The following GNAL variants were observed in gnomAD, a reference collection of about 807,000 sequenced individuals.
GNAL encodes the protein guanine nucleotide-binding protein G(olf) subunit alpha.
In GNAL, 18 loss-of-function variants were observed where a neutral mutation model predicts 55.1. The observed-to-expected ratio is 0.33, with a 90% CI of 0.23 to 0.48. The LOEUF is 0.48. Among genes scored for constraint, GNAL ranks in the 20% least tolerant of loss-of-function variants. The pLI, the probability that GNAL is intolerant of heterozygous loss-of-function variation, is 0.99. For missense variants in GNAL, 412 were observed against 614.1 expected (o/e 0.67, Z 3.48); for synonymous variants, 253 against 237.0 (o/e 1.07, Z -0.62).
chr18:11,858,055 A>G (rs893897269), intron 5 of GNAL, among the ~76,000 whole-genome samples: 2 of 152,244 alleles, frequency 1.3e-5, no homozygotes, highest in Admixed American at 1.3e-4. Flanking sequence ...AAAGGCATTT[A>G]ACAGAATAGT....
Position 11,774,633 on chromosome 18 carries a change from T to C in GNAL, c.624+20688T>C, listed in dbSNP as rs567240905. 3.3e-5 allele frequency among the ~76,000 whole-genome samples: 5 copies of C among 152,224 alleles called. No homozygotes were observed. In the East Asian group the frequency reaches 9.7e-4, roughly 29 times the overall value. ...TGAGAAAACAGAAGCCCAGAGAACATAATTGACTTGCCCCGAGTCATAGAG... is the reference window on the plus strand; with the variant it reads ...TGAGAAAACAGAAGCCCAGAGAACACAATTGACTTGCCCCGAGTCATAGAG... On this transcript the variant is annotated intron_variant, in intron 4 of 11. Transcript: ENST00000334049.
chr18:11,869,790 T>C (rs994258495), intron 9 of GNAL, among the ~76,000 whole-genome samples: 2 of 152,014 alleles, frequency 1.3e-5, no homozygotes, highest in African/African-American at 2.4e-5. Flanking sequence ...GCGCTTGTAG[T>C]CCCAGCTACT....
At chr18:11,767,566 T>G (rs564490749) in intron 4 of GNAL, among the ~76,000 whole-genome samples, 1 of 152,216 alleles carries the variant, frequency 6.6e-6, no homozygotes, top group South Asian at 2.1e-4. Context: ...ACTTGCACTC[T>G]CCACGCCCTT....
At chr18:11,775,405 CACTT>C (rs925499012) in intron 4 of GNAL, among the ~76,000 whole-genome samples, 2 of 152,254 alleles carry the variant, frequency 1.3e-5, no homozygotes, top group African/African-American at 4.8e-5. Flanking sequence ...CAGATGATCT[CACTT>C]AATCCACACA....
At chr18:11,736,149 C>T (rs945573705) in intron 1 of GNAL, among the ~76,000 whole-genome samples, 91 of 152,302 alleles carry the variant, frequency 6.0e-4, no homozygotes, top group African/African-American at 2.0e-3. Flanking sequence ...AATTCCAACA[C>T]TTCGAGAGGC....
At position 11,884,683 on chromosome 18, in the gene GNAL, C is replaced by A; in HGVS notation, c.*3548C>A. On this transcript the variant is annotated 3_prime_UTR_variant, in exon 12 of 12. Coordinates refer to ENST00000334049, the MANE Select transcript of GNAL (RefSeq NM_182978.4). ...AGCACCAGGCACACGTTGAACACCG[C>A]AGTCTTAGAAACAGCAGAGGGAAGA... 1 of 1,555,270 alleles carries A rather than the reference C, an allele frequency of 6.4e-7. No individual in the cohort carries two copies.
intron 4 of GNAL, among the ~76,000 whole-genome samples, chr18:11,821,962 G>C (rs1162086755): frequency 5.9e-5 from 9 of 152,264 alleles, no homozygotes; most frequent in Non-Finnish European, 8.8e-5. Context: ...CATGGCCGCC[G>C]CTCCGTAGGC....
intron 1 of GNAL, among the ~76,000 whole-genome samples, chr18:11,720,821 T>C (rs560480265): frequency 2.6e-5 from 4 of 152,348 alleles, no homozygotes; most frequent in South Asian, 2.1e-4. Flanking sequence ...AATGGAGAGC[T>C]CACTTCCTGT....
At chr18:11,822,768 G>T (rs2035133710) in intron 4 of GNAL, among the ~76,000 whole-genome samples, 1 of 151,456 alleles carries the variant, frequency 6.6e-6, no homozygotes, top group Admixed American at 6.6e-5. Flanking sequence ...ACGGTTTGGA[G>T]CCCTTTCTGC....
In GNAL at chr18:11,881,941, T is replaced by C. The variant is rs2036703908; in HGVS notation, c.*806T>C. Reference sequence around the variant, plus strand: ...TGCCTTCACCATGGCTATCTATACCTGTACATGAAATGTGTTTGTATTGTG... The same window carrying C: ...TGCCTTCACCATGGCTATCTATACCCGTACATGAAATGTGTTTGTATTGTG... On this transcript the variant is annotated 3_prime_UTR_variant, in exon 12 of 12. Coordinates refer to ENST00000334049, the MANE Select transcript of GNAL (RefSeq NM_182978.4). The surrounding 1 kb of genome is among the most constrained non-coding windows in gnomAD (Gnocchi z 4.8). 1 of 152,666 alleles carries C rather than the reference T, an allele frequency of 6.6e-6. No homozygotes were observed. Among genetic ancestry groups the C allele is most frequent in the South Asian group, 2.1e-4 (1 of 4,832 alleles). The allele number at this position is 152,666 out of a possible 1,614,324, so 9.5% of individuals were successfully genotyped here. A position where few individuals can be genotyped will look rare whatever the true frequency, so the allele number is the denominator to read the frequency against.
chr18:11,692,763 C>T (rs564578324), intron 1 of GNAL, among the ~76,000 whole-genome samples: 23 of 150,244 alleles, frequency 1.5e-4, no homozygotes, highest in Non-Finnish European at 3.0e-4. Flanking sequence ...CAAAAAAATA[C>T]GAAAATTAGC....
intron 5 of GNAL, among the ~76,000 whole-genome samples, chr18:11,825,981 TAC>T (rs2035233748): frequency 6.6e-6 from 1 of 152,196 alleles, no homozygotes; most frequent in Non-Finnish European, 1.5e-5. Context: ...TGAAAAATTT[TAC>T]ATTTTAAATC....
At chr18:11,755,322 C>T (rs1401048611) in intron 4 of GNAL, among the ~76,000 whole-genome samples, 4 of 152,182 alleles carry the variant, frequency 2.6e-5, no homozygotes, top group Non-Finnish European at 5.9e-5. Context: ...CTCTGTCGTC[C>T]AGGCTGGAGT....
chr18:11,727,271 CA>C (rs1256359457), intron 1 of GNAL, among the ~76,000 whole-genome samples: 1 of 152,234 alleles, frequency 6.6e-6, no homozygotes, highest in African/African-American at 2.4e-5. Context: ...GGGTGTCAGG[CA>C]TCCCAAGCCT....
At chr18:11,824,485 C>T (rs988122276) in intron 4 of GNAL, among the ~76,000 whole-genome samples, 7 of 151,860 alleles carry the variant, frequency 4.6e-5, no homozygotes, top group Admixed American at 6.6e-5. Flanking sequence ...GTCAGGAGTT[C>T]GAGACCAGCC....
intron 1 of GNAL, among the ~76,000 whole-genome samples, chr18:11,697,119 A>G (rs1270370527): frequency 6.6e-6 from 1 of 152,286 alleles, no homozygotes; most frequent in African/African-American, 2.4e-5. Flanking sequence ...AGCAAAGGGC[A>G]GCCAGCCCCA....
chr18:11,758,681 T>G (rs1168486204), intron 4 of GNAL, among the ~76,000 whole-genome samples: 1 of 152,216 alleles, frequency 6.6e-6, no homozygotes, highest in Non-Finnish European at 1.5e-5. Flanking sequence ...GTTGCCTGAT[T>G]AGAGTTTTTC....
At chr18:11,816,530 A>G (rs1245434894) in intron 4 of GNAL, among the ~76,000 whole-genome samples, 11 of 152,012 alleles carry the variant, frequency 7.2e-5, no homozygotes, top group Non-Finnish European at 1.3e-4. Context: ...ATCTCCTTTC[A>G]TGATCCACCT....
At chr18:11,778,826 T>C (rs575527250) in intron 4 of GNAL, among the ~76,000 whole-genome samples, 145 of 152,216 alleles carry the variant, frequency 9.5e-4, no homozygotes, top group Non-Finnish European at 9.7e-4. Flanking sequence ...ATGGTTCAGA[T>C]GTTCCAGAGA....
Sources: gnomAD v4.1 joint callset for allele counts (sites outside exome capture counted in the v4.1 genomes callset) on GRCh38, gnomAD v4.1.1 for gene constraint, Gnocchi (gnomAD v3.1) non-coding constraint, MANE v1.5 for transcripts, NCBI Gene and HGNC (gene_info 2026-07-23, HGNC 2026-07-21) for gene names.